BAZ1B: variants seen among roughly 807,000 people sequenced by gnomAD.
The protein encoded by BAZ1B is bromodomain adjacent to zinc finger domain 1B.
Under a neutral mutation model 153.8 loss-of-function variants are expected in BAZ1B, and 22 were observed. The ratio of observed to expected loss-of-function variants is 0.14; its 90% confidence interval spans 0.10 to 0.20. BAZ1B has a LOEUF of 0.20. Ranked by LOEUF, BAZ1B falls within the 10% of genes least tolerant of loss-of-function variation. The pLI, the probability that BAZ1B is intolerant of heterozygous loss-of-function variation, is 1.00. For synonymous variants in BAZ1B, 676 were observed against 633.4 expected (o/e 1.07, Z -1.01); for missense variants, 1,325 against 1,799.3 (o/e 0.74, Z 4.77).
intron 7 of BAZ1B, among the ~76,000 whole-genome samples, chr7:73,473,124 TAG>T (rs1367530998): frequency 6.6e-6 from 1 of 152,080 alleles, no homozygotes; most frequent in African/African-American, 2.4e-5. Context: ...GTATTTTTAG[TAG>T]AGACAGGGTT....
At chr7:73,491,292 G>C (rs552845732) in intron 5 of BAZ1B, among the ~76,000 whole-genome samples, 9 of 151,648 alleles carry the variant, frequency 5.9e-5, no homozygotes, top group African/African-American at 2.2e-4. Flanking sequence ...TCTCAAAAAA[G>C]ACAAAAAAAC....
chr7:73,491,424 ACT>A (rs1260889321), intron 5 of BAZ1B, among the ~76,000 whole-genome samples: 3 of 151,950 alleles, frequency 2.0e-5, no homozygotes, highest in Admixed American at 6.6e-5. Flanking sequence ...ACGTGGTGAA[ACT>A]CTGTCTCTAC....
intron 1 of BAZ1B, among the ~76,000 whole-genome samples, chr7:73,513,388 T>C (rs1563404894): frequency 6.6e-6 from 1 of 152,202 alleles, no homozygotes; most frequent in Admixed American, 6.5e-5. Context: ...TGTGGATCTT[T>C]CCCCAGATCT....
intron 3 of BAZ1B, 102 bp from the exon 4 acceptor site, chr7:73,498,800 A>C: frequency 2.0e-6 from 2 of 980,026 alleles, no homozygotes; most frequent in Non-Finnish European, 3.0e-6. Context: ...CAACTAACAA[A>C]AGGTGATTGA....
In BAZ1B at chr7:73,462,929, T is replaced by A. The variant is rs781868280; in HGVS notation, c.3242A>T (p.Glu1081Val). 1 of 1,614,044 alleles carries A rather than the reference T, an allele frequency of 6.2e-7. No individual in the cohort carries two copies. The highest frequency in any genetic ancestry group is 1.1e-5 in the South Asian group (1 of 91,076). ...LGYVEETSEF[E>V]ARVISLEKLK... ...ATTTTCTTATATTCCTACCCGGGCTTCAAATTCTGATGTTTCTTCCACATA... is the reference window on the plus strand; with the variant it reads ...ATTTTCTTATATTCCTACCCGGGCTACAAATTCTGATGTTTCTTCCACATA... Residue 1081 changes from glutamate to valine, a missense_variant, in exon 12 of 20, where the codon GAA becomes GTA. By Grantham distance (121) the Glu-to-Val change is moderately radical (BLOSUM62 -2). Transcript: ENST00000339594.
chr7:73,474,857 GAATA>G (rs113395969), intron 7 of BAZ1B, among the ~76,000 whole-genome samples: 14 of 152,278 alleles, frequency 9.2e-5, no homozygotes, highest in African/African-American at 3.4e-4. Context: ...ATTGTATCTA[GAATA>G]TATACAGAAC....
chr7:73,468,773 G>A (rs1259067967), intron 9 of BAZ1B, among the ~76,000 whole-genome samples: 1 of 152,106 alleles, frequency 6.6e-6, no homozygotes, highest in African/African-American at 2.4e-5. Context: ...TACCCCTAGC[G>A]TATGACAAAC....
intron 6 of BAZ1B, among the ~76,000 whole-genome samples, chr7:73,486,405 C>G (rs528882395): frequency 6.0e-4 from 92 of 152,272 alleles, no homozygotes; most frequent in Admixed American, 1.9e-3. Flanking sequence ...CGGCTCACTA[C>G]AAGCTCAGCC....
At chr7:73,472,253 C>CTT (rs1205328154) in intron 7 of BAZ1B, among the ~76,000 whole-genome samples, 2 of 146,594 alleles carry the variant, frequency 1.4e-5, no homozygotes, top group Admixed American at 6.8e-5. Flanking sequence ...CACAGTTATA[C>CTT]TTTTTTTTTT....
chr7:73,456,539 A>G (rs1352763411), intron 13 of BAZ1B, among the ~76,000 whole-genome samples: 2 of 152,246 alleles, frequency 1.3e-5, no homozygotes, highest in Non-Finnish European at 2.9e-5. Flanking sequence ...CAATAAGCAC[A>G]TGAAAAGATG....
chr7:73,497,928 T>C (rs782044080), intron 4 of BAZ1B, among the ~76,000 whole-genome samples: 20 of 151,966 alleles, frequency 1.3e-4, no homozygotes, highest in South Asian at 4.2e-4. Context: ...GCTAGCAATG[T>C]GCACACAGCT....
intron 7 of BAZ1B, among the ~76,000 whole-genome samples, chr7:73,476,498 G>C (rs1434602209): frequency 2.0e-5 from 3 of 152,150 alleles, no homozygotes; most frequent in Non-Finnish European, 4.4e-5. Context: ...GTGAGGCACG[G>C]ATAAGTAATC....
intron 2 of BAZ1B, among the ~76,000 whole-genome samples, chr7:73,509,670 C>G (rs781816539): frequency 5.3e-5 from 8 of 151,986 alleles, no homozygotes; most frequent in Non-Finnish European, 1.2e-4. Flanking sequence ...TACCACTGCA[C>G]TCCACCCTGG....
chr7:73,498,726 G>T, intron 3 of BAZ1B, 28 bp from the exon 4 acceptor site: 1 of 1,601,122 alleles, frequency 6.2e-7, no homozygotes, highest in South Asian at 1.1e-5. Context: ...GAGAAAATCA[G>T]AGATAATAAA....
intron 14 of BAZ1B, 80 bp from the exon 15 acceptor site, chr7:73,449,769 A>G: frequency 6.8e-7 from 1 of 1,474,798 alleles, no homozygotes; most frequent in Non-Finnish European, 9.2e-7. Context: ...CAATCACCCT[A>G]CAATTCAAGG....
intron 4 of BAZ1B, among the ~76,000 whole-genome samples, chr7:73,494,220 A>G (rs1789780026): frequency 6.6e-6 from 1 of 151,886 alleles, no homozygotes; most frequent in Admixed American, 6.6e-5. Context: ...TGTCTCTACA[A>G]AAAATAGAAA....
At chr7:73,513,888 A>G (rs1790684179) in intron 1 of BAZ1B, among the ~76,000 whole-genome samples, 2 of 152,058 alleles carry the variant, frequency 1.3e-5, no homozygotes, top group African/African-American at 2.4e-5. Flanking sequence ...AAAAAAACTC[A>G]CTGTGTCATC....
chr7:73,462,744 A>AT, intron 12 of BAZ1B, 178 bp downstream of exon 12: 1 of 665,182 alleles, frequency 1.5e-6, no homozygotes, highest in Non-Finnish European at 2.5e-6. Context: ...GCAGCAAAAG[A>AT]TAACAAGGAA....
rs1260487813 is a variant in BAZ1B, at chr7:73,440,553, AG to A, written c.*1155del. 1.1e-4 allele frequency: 16 copies of A among 151,950 alleles called. No individual in the cohort carries two copies. Among genetic ancestry groups the A allele is most frequent in the African/African-American group, 3.9e-4 (16 of 41,390 alleles). 9.4% of individuals were successfully genotyped at this position (151,950 alleles called of 1,614,324 possible). A position where few individuals can be genotyped will look rare whatever the true frequency, so the allele number is the denominator to read the frequency against. ...TCAGGTGTCACTGAAGTGGGAACAC[AG>A]GATTCTCACTATGAACAAGAACAGA... On this transcript the variant is annotated 3_prime_UTR_variant, in exon 20 of 20. Coordinates refer to ENST00000339594, the MANE Select transcript of BAZ1B (RefSeq NM_032408.4).
Sources: gnomAD v4.1 joint callset for allele counts (sites outside exome capture counted in the v4.1 genomes callset) on GRCh38, gnomAD v4.1.1 for gene constraint, MANE v1.5 for transcripts, NCBI Gene and HGNC (gene_info 2026-07-23, HGNC 2026-07-21) for gene names.